The following ERICH1 variants were observed in gnomAD, a reference collection of about 807,000 sequenced individuals.
ERICH1 encodes the protein glutamate rich 1.
ERICH1 carries 56 observed loss-of-function variants against 39.6 expected under a neutral mutation model. The ratio of observed to expected loss-of-function variants is 1.41; its 90% CI spans 1.14 to 1.77. ERICH1 has a LOEUF of 1.77. Ranked by LOEUF, ERICH1 falls within the 40% of genes most tolerant of loss-of-function variation. The pLI, the probability that ERICH1 is intolerant of heterozygous loss-of-function variation, is 0.00. For synonymous variants in ERICH1, 313 were observed against 223.6 expected (o/e 1.40, Z -3.57); for missense variants, 826 against 575.4 (o/e 1.44, Z -4.45).
At chr8:727,790 C>T (rs531380840) in intron 1 of ERICH1, among the ~76,000 whole-genome samples, 86 of 152,124 alleles carry the variant, frequency 5.7e-4, no homozygotes, top group South Asian at 1.2e-3. Context: ...CTCCTTGACG[C>T]GAGCGGCTGG....
At chr8:700,971 G>A (rs79112879) in intron 2 of ERICH1, among the ~76,000 whole-genome samples, 3,054 of 152,368 alleles carry the variant, frequency 0.02, 97 homozygotes, top group African/African-American at 0.069. Context: ...AAAAGCAGCC[G>A]AGAGGAAGTG....
intron 3 of ERICH1, among the ~76,000 whole-genome samples, chr8:618,822 C>G (rs1274675245): frequency 6.6e-6 from 1 of 152,090 alleles, no homozygotes; most frequent in African/African-American, 2.4e-5. Flanking sequence ...GACAAGGTCC[C>G]CCAAACGCCT....
At chr8:697,935 C>A (rs985998468) in intron 2 of ERICH1, among the ~76,000 whole-genome samples, 3 of 151,934 alleles carry the variant, frequency 2.0e-5, no homozygotes, top group Admixed American at 2.0e-4. Flanking sequence ...AATGAGGCAG[C>A]TGCCTGATGG....
intron 2 of ERICH1, among the ~76,000 whole-genome samples, chr8:709,443 C>T (rs906841106): frequency 1.3e-5 from 2 of 152,198 alleles, no homozygotes; most frequent in African/African-American, 4.8e-5. Flanking sequence ...TCTGTATTGG[C>T]ACCTCCACCT....
chr8:641,751 C>A (rs1433864406), intron 3 of ERICH1, among the ~76,000 whole-genome samples: 3 of 152,176 alleles, frequency 2.0e-5, no homozygotes, highest in Admixed American at 6.5e-5. Context: ...CTCCTGTCTG[C>A]GTTTTCCAGG....
chr8:635,717 G>A (rs1162748841), intron 3 of ERICH1, among the ~76,000 whole-genome samples: 2 of 152,212 alleles, frequency 1.3e-5, no homozygotes, highest in Non-Finnish European at 2.9e-5. Flanking sequence ...CTAGCAACGG[G>A]GTGTGAGCAC....
rs1196640689 is a variant in ERICH1 at position 731,010 on chromosome 8, G to A, written c.22+130C>T. 2.3e-5 allele frequency: 25 copies of A among 1,105,282 alleles called. No homozygotes were observed. The Admixed American group carries it at 6.5e-4, about 29-fold the overall frequency. The allele number at this position is 1,105,282 out of a possible 1,614,324, so 68.5% of individuals were successfully genotyped here. ...GGGATGGGTAGGGACTGGGGTGGAG[G>A]TGGGGAGTCGGTCTGGGTTTGGGGT... On this transcript the variant is annotated intron_variant, in intron 1 of 5. Transcript: ENST00000262109.
At chr8:728,955 C>A (rs1819408004) in intron 1 of ERICH1, among the ~76,000 whole-genome samples, 1 of 152,144 alleles carries the variant, frequency 6.6e-6, no homozygotes, top group African/African-American at 2.4e-5. Flanking sequence ...CACTGTTTAG[C>A]CTGACTGCCA....
chr8:661,772 T>A (rs1801458687), downstream of ERICH1, among the ~76,000 whole-genome samples: 1 of 152,254 alleles, frequency 6.6e-6, no homozygotes, highest in Non-Finnish European at 1.5e-5. Context: ...GCATCCCACC[T>A]GCTCGACTGT....
intron 2 of ERICH1, among the ~76,000 whole-genome samples, chr8:712,615 G>C (rs1815007733): frequency 6.6e-6 from 1 of 152,112 alleles, no homozygotes; most frequent in Admixed American, 6.6e-5. Flanking sequence ...ATTTTTAGTA[G>C]AGACGGGGTT....
At chr8:669,594 C>A (rs1045217166) in intron 4 of ERICH1, among the ~76,000 whole-genome samples, 3 of 151,888 alleles carry the variant, frequency 2.0e-5, no homozygotes, top group African/African-American at 7.3e-5. Context: ...TGGTGGGACG[C>A]CTCCCCTGGC....
intron 3 of ERICH1, among the ~76,000 whole-genome samples, chr8:621,495 A>G (rs2117034254): frequency 6.6e-6 from 1 of 151,906 alleles, no homozygotes; most frequent in South Asian, 2.1e-4. Context: ...ATATGTTAAT[A>G]AAAATTTTTT....
At chr8:692,981 G>A (rs766269152) in intron 2 of ERICH1, among the ~76,000 whole-genome samples, 1 of 152,136 alleles carries the variant, frequency 6.6e-6, no homozygotes, top group South Asian at 2.1e-4. Context: ...CACACGAGGA[G>A]TCCCTGGGGA....
At chr8:645,616 G>C (rs1203794068) in intron 3 of ERICH1, among the ~76,000 whole-genome samples, 2 of 68,042 alleles carry the variant, frequency 2.9e-5, no homozygotes, top group African/African-American at 7.4e-5. Context: ...CATGCTGTCA[G>C]GAAGGCCTCC....
chr8:682,337 G>C (rs1806321069), intron 3 of ERICH1, among the ~76,000 whole-genome samples: 2 of 152,222 alleles, frequency 1.3e-5, no homozygotes, highest in Non-Finnish European at 2.9e-5. Flanking sequence ...TGGCTCAGCA[G>C]GTCAAGGGGA....
intron 3 of ERICH1, among the ~76,000 whole-genome samples, chr8:621,948 C>T (rs1365884268): frequency 6.6e-6 from 1 of 152,190 alleles, no homozygotes. Flanking sequence ...AGTGTGGTGG[C>T]TCATGCCTGT....
rs372926675 is a variant in ERICH1 at position 715,934 on chromosome 8, C to T, written c.96G>A (p.Thr32=). The change falls in exon 2 of 6, where the codon ACG becomes ACA. Residue 32 remains threonine, a synonymous_variant. Transcript: ENST00000262109. ...TCTTTGGTGGATTTTGGACGGCCAG[C>T]GTCTGGGGTTCCCTCTTTCCTTGGC... is the stretch of plus-strand genomic sequence containing the variant. ...PSGQGKREPQ[T]LAVQNPPKKV... 4.1e-5 allele frequency: 66 copies of T among 1,613,802 alleles called. No individual in the cohort carries two copies. The Admixed American group carries it at 5.7e-4, about 14-fold the overall frequency.
At chr8:658,351 A>G (rs965651967) in intron 3 of ERICH1, among the ~76,000 whole-genome samples, 2 of 151,964 alleles carry the variant, frequency 1.3e-5, no homozygotes, top group African/African-American at 4.8e-5. Flanking sequence ...GGTTACTGTG[A>G]GCCCTGTGGG....
chr8:644,226 C>T (rs1017027290), intron 3 of ERICH1, among the ~76,000 whole-genome samples: 15 of 152,230 alleles, frequency 9.9e-5, no homozygotes, highest in African/African-American at 3.6e-4. Context: ...TGGCCCCGTC[C>T]TAAGGCGAGT....
Sources: allele counts gnomAD v4.1 joint callset (sites outside exome capture counted in the v4.1 genomes callset), GRCh38; gene constraint gnomAD v4.1.1; transcripts MANE v1.5; gene names NCBI Gene and HGNC (gene_info 2026-07-23, HGNC 2026-07-21).